RASGEF1C: variants seen among roughly 807,000 people sequenced by gnomAD.
The protein encoded by RASGEF1C is ras-GEF domain-containing family member 1C.
RASGEF1C carries 27 observed loss-of-function variants against 58.1 expected under a neutral mutation model. That is an observed-to-expected ratio of 0.46 (90% confidence interval 0.34 to 0.64). The LOEUF (loss-of-function observed/expected upper bound fraction) is 0.64, where lower values mean the gene tolerates loss of function less well. Ranked by LOEUF, RASGEF1C falls within the 30% of genes least tolerant of loss-of-function variation. RASGEF1C has a pLI of 0.01. For synonymous variants in RASGEF1C, 243 were observed against 246.3 expected, an observed-to-expected ratio of 0.99 and a Z score of 0.13; for missense variants, 502 against 605.1, an observed-to-expected ratio of 0.83 and a Z score of 1.79.
intron 1 of RASGEF1C, among the ~76,000 whole-genome samples, chr5:180,199,132 G>A (rs191007760): frequency 7.2e-5 from 11 of 152,280 alleles, no homozygotes; most frequent in Admixed American, 5.2e-4. Flanking sequence ...TGCAGAGGAC[G>A]GGAGAGGTGG....
rs374791038 is a variant in RASGEF1C at position 180,137,993 on chromosome 5, G to T, written c.60C>A (p.Pro20=). The T allele has an allele frequency of 2.5e-6, 4 of 1,581,276 alleles. No homozygotes were observed. The highest frequency in any genetic ancestry group is 1.7e-4 in the Middle Eastern group (1 of 5,800). Residue 20 remains proline (P), a synonymous_variant, in exon 2 of 14, where the codon CCC becomes CCA. Coordinates refer to ENST00000361132, the MANE Select transcript of RASGEF1C (RefSeq NM_175062.4). The surrounding 1 kb of genome is among the most constrained non-coding windows in gnomAD (Gnocchi z 4.1). The stretch of plus-strand genomic sequence containing the variant: ...CCTGTTCGCCATCTGTGGGCTCGGT[G>T]GGGGGTGGGCTGAGGCTGCCTGGGG... The part of the protein sequence containing the change: ...MVTPGSLSPP[P]TEPTDGEQAG...
intron 1 of RASGEF1C, among the ~76,000 whole-genome samples, chr5:180,187,611 A>G (rs1344632800): frequency 6.6e-6 from 1 of 152,252 alleles, no homozygotes; most frequent in Non-Finnish European, 1.5e-5. Context: ...GTAAGAGTCT[A>G]GTATTCTGAA....
chr5:180,171,308 A>C (rs763629796), intron 1 of RASGEF1C, among the ~76,000 whole-genome samples: 20 of 151,956 alleles, frequency 1.3e-4, no homozygotes, highest in African/African-American at 1.9e-4. Flanking sequence ...GGCAGGTCCT[A>C]AACTGCTGAC....
chr5:180,190,057 C>T (rs2127562560), intron 1 of RASGEF1C, among the ~76,000 whole-genome samples: 1 of 145,956 alleles, frequency 6.9e-6, no homozygotes, highest in East Asian at 2.2e-4. Context: ...CAACTAAAAA[C>T]TGATCACAGG....
At chr5:180,187,456 AGAAAGT>A (rs1447926609) in intron 1 of RASGEF1C, among the ~76,000 whole-genome samples, 1 of 152,216 alleles carries the variant, frequency 6.6e-6, no homozygotes, top group Non-Finnish European at 1.5e-5. Flanking sequence ...GACATTACAA[AGAAAGT>A]GAAAGGACAA....
intron 11 of RASGEF1C, among the ~76,000 whole-genome samples, chr5:180,111,833 G>A (rs532786975): frequency 6.6e-6 from 1 of 152,316 alleles, no homozygotes; most frequent in Non-Finnish European, 1.5e-5. Flanking sequence ...ATACATGTTT[G>A]TTGATTTATG....
intron 1 of RASGEF1C, among the ~76,000 whole-genome samples, chr5:180,170,777 G>A (rs904228978): frequency 1.3e-5 from 2 of 152,254 alleles, no homozygotes; most frequent in African/African-American, 4.8e-5. Flanking sequence ...AGCCCCGACA[G>A]CCAAACAGGC....
chr5:180,121,720 T>G (rs1270264283), intron 6 of RASGEF1C, among the ~76,000 whole-genome samples: 2 of 151,098 alleles, frequency 1.3e-5, no homozygotes, highest in African/African-American at 4.9e-5. Context: ...CAAATTTGCC[T>G]GCTCTCTAAA....
Position 180,108,501 on chromosome 5 carries a change from G to A in RASGEF1C, c.1303+2956C>T, listed in dbSNP as rs551272032. ...CAAGCACGAGCCACCGCGCCCAGCCGTTTCAGTCTATTTTCTCCCTGTTGT... is the reference window on the plus strand; with the variant it reads ...CAAGCACGAGCCACCGCGCCCAGCCATTTCAGTCTATTTTCTCCCTGTTGT... On this transcript the variant is annotated intron_variant, in intron 12 of 13. Transcript: ENST00000361132. Among the ~76,000 whole-genome samples the A allele has an allele frequency of 1.3e-4, 19 of 151,906 alleles. 1 individual carries two copies. Among genetic ancestry groups the A allele is most frequent in the Admixed American group, 2.0e-4 (3 of 15,226 alleles).
At chr5:180,166,609 GGATTA>G (rs1480270353) in intron 1 of RASGEF1C, among the ~76,000 whole-genome samples, 1 of 151,112 alleles carries the variant, frequency 6.6e-6, no homozygotes, top group Non-Finnish European at 1.5e-5. Context: ...TCCACCTCCT[GGATTA>G]AGGCGATTCT....
At chr5:180,111,004 C>T (rs1034997675) in intron 12 of RASGEF1C, among the ~76,000 whole-genome samples, 5 of 151,996 alleles carry the variant, frequency 3.3e-5, no homozygotes, top group African/African-American at 7.3e-5. Flanking sequence ...TTAGTAGAGA[C>T]GGGGTTTCAA....
rs1766831125 is a variant in RASGEF1C, at chr5:180,155,249, C to T, written c.-6-17191G>A. On this transcript the variant is annotated intron_variant, in intron 1 of 13. Transcript: ENST00000361132. This position sits in a 1 kb window ranked among gnomAD's most constrained non-coding sequence, Gnocchi z 5.2. ...GCAGTGGTAGCATCACGTCTAGGCT[C>T]TGAAAGCCTCTGTGGTCCTCCTTTT... 6.6e-6 allele frequency among the ~76,000 whole-genome samples: 1 copy of T among 152,224 alleles called. No homozygotes were observed. Among genetic ancestry groups the T allele is most frequent in the African/African-American group, 2.4e-5 (1 of 41,460 alleles).
chr5:180,190,515 T>A (rs1336680411), intron 1 of RASGEF1C, among the ~76,000 whole-genome samples: 3,397 of 119,850 alleles, frequency 0.028, 92 homozygotes, highest in East Asian at 0.12. Context: ...AAAATAATAA[T>A]AATAATAATA....
rs1016469397 is a variant in RASGEF1C, at chr5:180,155,823, G to A, written c.-6-17765C>T. ...AGGGGTTTGTTTCACCTCCCAACCC[G>A]CATGCTGCCTTCCCTTCAGGAACTT... On this transcript the variant is annotated intron_variant, in intron 1 of 13. Coordinates refer to ENST00000361132, the MANE Select transcript of RASGEF1C (RefSeq NM_175062.4). The surrounding 1 kb of genome is among the most constrained non-coding windows in gnomAD (Gnocchi z 5.2). Among the ~76,000 whole-genome samples the A allele has an allele frequency of 1.3e-5, 2 of 152,068 alleles. No individual in the cohort carries two copies. Among genetic ancestry groups the A allele is most frequent in the Admixed American group, 6.5e-5 (1 of 15,272 alleles).
rs984581455 is a variant in RASGEF1C at position 180,170,903 on chromosome 5, T to G, written c.-6-32845A>C. Among the ~76,000 whole-genome samples the G allele has an allele frequency of 5.9e-5, 9 of 152,262 alleles. No homozygotes were observed. The South Asian group carries it at 1.0e-3, about 18-fold the overall frequency. ...AGGCAGGGCTCCCTGCCCCTGCCCC[T>G]GTCCCCTGTCCCCACCTTGCCCTGG... On this transcript the variant is annotated intron_variant, in intron 1 of 13. Coordinates refer to ENST00000361132, the MANE Select transcript of RASGEF1C (RefSeq NM_175062.4).
intron 12 of RASGEF1C, among the ~76,000 whole-genome samples, chr5:180,103,986 T>A (rs139759267): frequency 2.6e-5 from 4 of 152,354 alleles, no homozygotes; most frequent in African/African-American, 9.6e-5. Flanking sequence ...CTGATTGAAT[T>A]TCAAATATTG....
intron 1 of RASGEF1C, among the ~76,000 whole-genome samples, chr5:180,192,615 G>A (rs147220958): frequency 4.3e-4 from 66 of 152,178 alleles, no homozygotes; most frequent in African/African-American, 1.1e-3. Context: ...CAAATGACAC[G>A]TCAATTTCAA....
chr5:180,102,115 C>G lies in RASGEF1C; in HGVS notation c.1332G>C (p.Glu444Asp). 6.2e-7 allele frequency: 1 copy of G among 1,603,400 alleles called. No homozygotes were observed. The highest frequency in any genetic ancestry group is 1.1e-5 in the South Asian group (1 of 90,828). ...DGLYLASYES[E>D]SPENQTEKER... ...CTTTTTCTGTTTGGTTCTCTGGGCTCTCACTTTCGTAAGAAGCCAAATAAA... is the reference window on the plus strand; with the variant it reads ...CTTTTTCTGTTTGGTTCTCTGGGCTGTCACTTTCGTAAGAAGCCAAATAAA... Residue 444 changes from glutamate (E) to aspartate (D), a missense_variant, in exon 13 of 14, where the codon GAG becomes GAC. Coordinates refer to ENST00000361132, the MANE Select transcript of RASGEF1C (RefSeq NM_175062.4).
At chr5:180,201,342 AG>A (rs1756391876) in intron 1 of RASGEF1C, among the ~76,000 whole-genome samples, 1 of 152,172 alleles carries the variant, frequency 6.6e-6, no homozygotes, top group East Asian at 1.9e-4. Flanking sequence ...GACCTACGGA[AG>A]CAAAAGTGAA....
Sources: allele counts gnomAD v4.1 joint callset (sites outside exome capture counted in the v4.1 genomes callset), GRCh38; gene constraint gnomAD v4.1.1; non-coding constraint Gnocchi (gnomAD v3.1); transcripts MANE v1.5; gene names NCBI Gene and HGNC (gene_info 2026-07-23, HGNC 2026-07-21).